UGT1A4: variants seen among roughly 807,000 people sequenced by gnomAD.
UGT1A4 encodes UDP-glucuronosyltransferase 1A4.
A neutral mutation model predicts 41.1 loss-of-function variants in UGT1A4; 32 were observed. That is an observed-to-expected ratio of 0.78 (90% CI 0.59 to 1.05). The LOEUF (loss-of-function observed/expected upper bound fraction) is 1.05. Ranked by LOEUF, UGT1A4 falls within the 50% of genes least tolerant of loss-of-function variation. The pLI, the probability that UGT1A4 is intolerant of heterozygous loss-of-function variation, is 0.00. For synonymous variants in UGT1A4, 283 were observed against 265.1 expected (o/e 1.07, Z -0.66); for missense variants, 748 against 677.4 (o/e 1.10, Z -1.16).
intron 1 of UGT1A4, among the ~76,000 whole-genome samples, chr2:233,759,447 C>G (rs1697141448): frequency 1.3e-5 from 2 of 152,254 alleles, no homozygotes; most frequent in Non-Finnish European, 2.9e-5. Context: ...TAAATCCAGG[C>G]CCAGTTAGCC....
At chr2:233,747,106 C>T (rs1693563001) in intron 1 of UGT1A4, 1 of 1,377,620 alleles carries the variant, frequency 7.3e-7, no homozygotes, top group African/African-American at 1.5e-5. Context: ...CTTCCAATTA[C>T]ATGATGATTT....
At chr2:233,732,348 G>A (rs2078262793) in intron 1 of UGT1A4, among the ~76,000 whole-genome samples, 1 of 152,214 alleles carries the variant, frequency 6.6e-6, no homozygotes, top group Non-Finnish European at 1.5e-5. Context: ...TGGTGTTTTA[G>A]TCATGAAGTC....
rs1699600557 is a variant in UGT1A4 at position 233,768,315 on chromosome 2, T to C, written c.1183T>C (p.Phe395Leu). The change falls in exon 4 of 5, where the codon TTT becomes CTT. Residue 395 changes from phenylalanine (F) to leucine (L), a missense_variant. Physicochemically the swap from Phe to Leu is conservative, Grantham distance 22. Coordinates refer to ENST00000373409, the MANE Select transcript of UGT1A4 (RefSeq NM_007120.3). ...CGTTCCCATGGTGATGATGCCCTTG[T>C]TTGGTGATCAGATGGACAATGCAAA... ...NGVPMVMMPLFGDQMDNAKRM... is the reference protein window; with the variant it reads ...NGVPMVMMPLLGDQMDNAKRM... 3 of 1,614,138 alleles carry C rather than the reference T, an allele frequency of 1.9e-6. No individual in the cohort carries two copies. Among genetic ancestry groups the C allele is most frequent in the South Asian group, 2.2e-5 (2 of 91,078 alleles).
At chr2:233,729,400 C>T in intron 1 of UGT1A4, 2 of 1,613,754 alleles carry the variant, frequency 1.2e-6, no homozygotes, top group South Asian at 2.2e-5. Context: ...ATTTGATCGC[C>T]ATGTGCTGGG....
At chr2:233,738,344 C>T (rs187057968) in intron 1 of UGT1A4, among the ~76,000 whole-genome samples, 43 of 152,222 alleles carry the variant, frequency 2.8e-4, no homozygotes, top group African/African-American at 1.0e-3. Flanking sequence ...AAATTGGTGT[C>T]ATGGAGAGTG....
intron 1 of UGT1A4, among the ~76,000 whole-genome samples, chr2:233,738,515 G>A (rs2125816431): frequency 6.6e-6 from 1 of 152,322 alleles, no homozygotes; most frequent in African/African-American, 2.4e-5. Context: ...TGCTGATAAT[G>A]TTGTGGACAA....
In UGT1A4 at chr2:233,730,882, A is replaced by G. The variant is rs150237801; in HGVS notation, c.867+11195A>G. On this transcript the variant is annotated intron_variant, in intron 1 of 4. Coordinates refer to ENST00000373409, the MANE Select transcript of UGT1A4 (RefSeq NM_007120.3). ...ACCCTACTGCACTCCAGGTTTCTAT[A>G]GTGGGATCTACTCCTTTACCAAAAA... 3.7e-3 allele frequency among the ~76,000 whole-genome samples: 556 copies of G among 152,264 alleles called. 1 individual carries two copies. The highest frequency in any genetic ancestry group is 7.3e-3 in the Admixed American group (112 of 15,302).
chr2:233,767,978 A>C, intron 3 of UGT1A4, 42 bp downstream of exon 3: 1 of 1,614,204 alleles, frequency 6.2e-7, no homozygotes, highest in Admixed American at 1.7e-5. Context: ...ACCAGGGTCA[A>C]ATTAAGAAAA....
At chr2:233,731,661 C>T (rs2078189507) in intron 1 of UGT1A4, among the ~76,000 whole-genome samples, 1 of 152,192 alleles carries the variant, frequency 6.6e-6, no homozygotes, top group South Asian at 2.1e-4. Flanking sequence ...ATATGTGCCA[C>T]ATTTTCTTAA....
chr2:233,743,881 C>T (rs755016650), intron 1 of UGT1A4: 6 of 1,366,984 alleles, frequency 4.4e-6, no homozygotes, highest in Middle Eastern at 4.2e-4. Flanking sequence ...ATGAGGCCTG[C>T]CGGGGCACGT....
intron 1 of UGT1A4, chr2:233,743,758 G>A (rs761738753): frequency 1.5e-6 from 2 of 1,367,328 alleles, no homozygotes; most frequent in South Asian, 2.3e-5. Context: ...ACAACACCTC[G>A]TAGGCCTCGG....
chr2:233,729,670 T>C, intron 1 of UGT1A4: 1 of 1,613,952 alleles, frequency 6.2e-7, no homozygotes, highest in Non-Finnish European at 8.5e-7. Context: ...TGATTTAGAC[T>C]TTAAGGGCAC....
At position 233,718,753 on chromosome 2, in the gene UGT1A4, G is replaced by T; in HGVS notation, c.-68G>T. 3.1e-6 allele frequency: 5 copies of T among 1,612,362 alleles called. No homozygotes were observed. The highest frequency in any genetic ancestry group is 4.2e-6 in the Non-Finnish European group (5 of 1,179,964). ...GGTGGCTCAATGACAAGGTAATTAAGGCGAAGGAAACAAATGTAGCAGGCA... is the reference window on the plus strand; with the variant it reads ...GGTGGCTCAATGACAAGGTAATTAATGCGAAGGAAACAAATGTAGCAGGCA... On this transcript the variant is annotated 5_prime_UTR_variant, in exon 1 of 5. It adds an upstream start codon to the 5' untranslated region. Transcript: ENST00000373409.
chr2:233,763,704 GA>G lies in UGT1A4; in HGVS notation c.868-3328del, dbSNP rs779879703. On this transcript the variant is annotated intron_variant, in intron 1 of 4. Transcript: ENST00000373409. ...AAAGATAAAACTTTTATTGCACAAA[GA>G]AGTCCATAGAGAAAGCACAACCTGG... Among the ~76,000 whole-genome samples the G allele has an allele frequency of 3.9e-5, 6 of 152,288 alleles. No individual in the cohort carries two copies. The South Asian group carries it at 1.2e-3, about 32-fold the overall frequency.
rs377063392 is a variant in UGT1A4, at chr2:233,724,823, G to A, written c.867+5136G>A. Among the ~76,000 whole-genome samples, 2 of 135,304 alleles carry A rather than the reference G, an allele frequency of 1.5e-5. 1 individual carries two copies. Among genetic ancestry groups the A allele is most frequent in the Non-Finnish European group, 3.1e-5 (2 of 64,184 alleles). 88.8% of individuals were successfully genotyped at this position (135,304 alleles called of 152,430 possible). A position where few individuals can be genotyped will look rare whatever the true frequency, so the allele number is the denominator to read the frequency against. On this transcript the variant is annotated intron_variant, in intron 1 of 4. Transcript: ENST00000373409. ...GCGGCCGGGCAGAGGCTGCAATCTC[G>A]GCACTTTGGGAGGCCAAGGCAGGCG...
At chr2:233,748,319 T>C (rs554683228) in intron 1 of UGT1A4, among the ~76,000 whole-genome samples, 1 of 151,864 alleles carries the variant, frequency 6.6e-6, no homozygotes, top group South Asian at 2.1e-4. Flanking sequence ...GGACTAGGAC[T>C]GATGTGACTC....
rs1700557199 is a variant in UGT1A4 at position 233,772,921 on chromosome 2, GT to G, written c.*366del. ...ACGGCTGCCCCTACTGCAAATGGCA[GT>G]TTTAATCTTATCTTTTGGCTTCTGC... On this transcript the variant is annotated 3_prime_UTR_variant, in exon 5 of 5. Coordinates refer to ENST00000373409, the MANE Select transcript of UGT1A4 (RefSeq NM_007120.3). 2.7e-6 allele frequency: 1 copy of G among 366,684 alleles called. No individual in the cohort carries two copies. The highest frequency in any genetic ancestry group is 2.1e-5 in the African/African-American group (1 of 47,608). 22.7% of individuals were successfully genotyped at this position (366,684 alleles called of 1,614,324 possible). A position where few individuals can be genotyped will look rare whatever the true frequency, so the allele number is the denominator to read the frequency against.
intron 1 of UGT1A4, chr2:233,760,742 C>A (rs760143782): frequency 6.2e-7 from 1 of 1,614,166 alleles, no homozygotes; most frequent in Non-Finnish European, 8.5e-7. Flanking sequence ...CTGACGGACC[C>A]TTTCCTTCCT....
intron 1 of UGT1A4, chr2:233,730,056 T>G (rs1178732328): frequency 1.2e-6 from 2 of 1,611,614 alleles, no homozygotes. Flanking sequence ...AAAAATGTAT[T>G]TATTTAAAAT....
Sources: allele counts gnomAD v4.1 joint callset (sites outside exome capture counted in the v4.1 genomes callset), GRCh38; gene constraint gnomAD v4.1.1; transcripts MANE v1.5; gene names NCBI Gene and HGNC (gene_info 2026-07-23, HGNC 2026-07-21).